The following BEND7 variants were observed in gnomAD, a reference collection of about 807,000 sequenced individuals.
BEND7 encodes the protein BEN domain-containing protein 7.
BEND7 carries 28 observed loss-of-function variants against 50.9 expected under a neutral mutation model. That is an observed-to-expected ratio of 0.55 (90% CI 0.41 to 0.75). The LOEUF (loss-of-function observed/expected upper bound fraction) is 0.75, where lower values mean the gene tolerates loss of function less well. BEND7 is among the 30% of genes least tolerant of loss of function. BEND7 has a pLI of 0.00. For synonymous variants in BEND7, 170 were observed against 183.9 expected (o/e 0.92, Z 0.61); for missense variants, 477 against 491.3 (o/e 0.97, Z 0.28).
At chr10:13,457,023 T>C (rs922033752) in intron 6 of BEND7, among the ~76,000 whole-genome samples, 3 of 152,204 alleles carry the variant, frequency 2.0e-5, no homozygotes, top group African/African-American at 4.8e-5. Flanking sequence ...ATCCTATTCG[T>C]TTATAGAAAA....
intron 2 of BEND7, among the ~76,000 whole-genome samples, chr10:13,515,445 T>C (rs1202344185): frequency 1.3e-5 from 2 of 152,226 alleles, no homozygotes; most frequent in Non-Finnish European, 2.9e-5. Flanking sequence ...ACAGTATATT[T>C]CTGCATGTTT....
intron 6 of BEND7, among the ~76,000 whole-genome samples, chr10:13,469,675 C>T (rs11258401): frequency 0.078 from 11,802 of 152,186 alleles, 611 homozygotes; most frequent in Non-Finnish European, 0.11. Flanking sequence ...CGGAGTTTCA[C>T]CATGTTGGCC....
Position 13,494,470 on chromosome 10 carries a change from C to G in BEND7, c.572-1594G>C, listed in dbSNP as rs1209487399. 2.0e-5 allele frequency among the ~76,000 whole-genome samples: 3 copies of G among 152,316 alleles called. No individual in the cohort carries two copies. In the East Asian group the frequency reaches 5.8e-4, roughly 29 times the overall value. ...AAACTGAAATGCCTCAGCCCCACCC[C>G]AGACGAAGTGAACTGACACCTCCAG... On this transcript the variant is annotated intron_variant, in intron 4 of 8. Coordinates refer to ENST00000466271, the MANE Select transcript of BEND7 (RefSeq NM_001369863.1).
chr10:13,492,752 T>C lies in BEND7; in HGVS notation c.696A>G (p.Lys232=), dbSNP rs2076755579. The change falls in exon 5 of 9, where the codon AAA becomes AAG. Residue 232 remains lysine (K), a synonymous_variant. Transcript: ENST00000466271. The stretch of plus-strand genomic sequence containing the variant: ...CCATCTCTGACCCACTGGGCTTCTG[T>C]TTCACAGTAAGAGGTTCCACAGTCT... The part of the protein sequence containing the change: ...PPKTVEPLTV[K]QKPSGSEMEK... The C allele has an allele frequency of 6.2e-7, 1 of 1,613,910 alleles. No homozygotes were observed. The highest frequency in any genetic ancestry group is 8.5e-7 in the Non-Finnish European group (1 of 1,179,976).
intron 7 of BEND7, among the ~76,000 whole-genome samples, chr10:13,449,275 G>C (rs1253488063): frequency 6.6e-6 from 1 of 152,096 alleles, no homozygotes; most frequent in Non-Finnish European, 1.5e-5. Flanking sequence ...GGTCTTCATG[G>C]TAGTTCTCTC....
At position 13,462,779 on chromosome 10, in the gene BEND7, G is replaced by A. The variant is rs1325934025; in HGVS notation, c.1064-10121C>T. On this transcript the variant is annotated intron_variant, in intron 6 of 8. Transcript: ENST00000466271. ...TAGATGAAAAGTCTTCACAACTGGT[G>A]AGTCATGGATCCTTGGTTCTAAGAA... Among the ~76,000 whole-genome samples, 5 of 152,268 alleles carry A rather than the reference G, an allele frequency of 3.3e-5. No individual in the cohort carries two copies. In the East Asian group the frequency reaches 9.6e-4, roughly 29 times the overall value.
chr10:13,488,697 C>T (rs1275842584), intron 5 of BEND7, among the ~76,000 whole-genome samples: 5 of 152,154 alleles, frequency 3.3e-5, no homozygotes, highest in African/African-American at 4.8e-5. Flanking sequence ...CCATGTTGGC[C>T]AGGACTGTCT....
At chr10:13,522,166 TGACA>T (rs1182059888) in intron 2 of BEND7, among the ~76,000 whole-genome samples, 1 of 152,246 alleles carries the variant, frequency 6.6e-6, no homozygotes, top group Non-Finnish European at 1.5e-5. Flanking sequence ...ACTGAACACC[TGACA>T]GATAAACATG....
At chr10:13,439,312 T>C (rs773447192), downstream of BEND7, 3 of 1,613,932 alleles carry the variant, frequency 1.9e-6, no homozygotes, top group South Asian at 3.3e-5. Flanking sequence ...TCTTGGCTGG[T>C]TTGGGACAAA....
At chr10:13,462,754 T>C (rs769799281) in intron 6 of BEND7, among the ~76,000 whole-genome samples, 16 of 151,660 alleles carry the variant, frequency 1.1e-4, no homozygotes, top group Non-Finnish European at 1.5e-4. Context: ...AAAGAGAGAG[T>C]AGATGAAAAG....
chr10:13,452,123 G>A (rs1209714187), intron 7 of BEND7, among the ~76,000 whole-genome samples: 1 of 152,192 alleles, frequency 6.6e-6, no homozygotes, highest in Non-Finnish European at 1.5e-5. Flanking sequence ...TTTACTTGAT[G>A]TGGTGTTGCT....
intron 5 of BEND7, among the ~76,000 whole-genome samples, chr10:13,489,226 G>C (rs900700068): frequency 6.6e-6 from 1 of 152,188 alleles, no homozygotes; most frequent in Non-Finnish European, 1.5e-5. Flanking sequence ...ACAGCTGAGA[G>C]TCTAACCCAG....
chr10:13,501,200 C>A (rs1393941531), intron 2 of BEND7, among the ~76,000 whole-genome samples: 2 of 151,610 alleles, frequency 1.3e-5, no homozygotes, highest in African/African-American at 2.4e-5. Context: ...CATGGAGAAA[C>A]CCTGTCTCTA....
intron 6 of BEND7, among the ~76,000 whole-genome samples, chr10:13,460,786 T>C (rs973987396): frequency 6.6e-6 from 1 of 152,270 alleles, no homozygotes; most frequent in African/African-American, 2.4e-5. Context: ...TCTCTGACAC[T>C]GTACACAAAC....
intron 3 of BEND7, among the ~76,000 whole-genome samples, chr10:13,499,262 T>C (rs1240076483): frequency 3.3e-5 from 5 of 152,210 alleles, no homozygotes; most frequent in Admixed American, 3.3e-4. Flanking sequence ...TAATGAAGCA[T>C]GTTACAAAAT....
chr10:13,528,331 CT>C (rs1448769947), intron 1 of BEND7, 141 bp downstream of exon 1: 1 of 205,938 alleles, frequency 4.9e-6, no homozygotes, highest in African/African-American at 2.4e-5. Flanking sequence ...GGCCGCGGCC[CT>C]GCCTGCCAGC....
chr10:13,478,866 TA>T (rs1350758163), intron 6 of BEND7, among the ~76,000 whole-genome samples: 1 of 152,190 alleles, frequency 6.6e-6, no homozygotes, highest in African/African-American at 2.4e-5. Context: ...TTTAATTCAA[TA>T]ATAAAAGTGT....
chr10:13,463,514 T>C (rs953112742), intron 6 of BEND7, among the ~76,000 whole-genome samples: 1 of 152,158 alleles, frequency 6.6e-6, no homozygotes, highest in Admixed American at 6.5e-5. Context: ...CAAAAATGGA[T>C]GCTGTTAAAA....
intron 5 of BEND7, among the ~76,000 whole-genome samples, chr10:13,487,369 A>G (rs1038609560): frequency 7.4e-6 from 1 of 134,518 alleles, no homozygotes; most frequent in Non-Finnish European, 1.5e-5. Flanking sequence ...CATGGCCTCA[A>G]TTTCTTTTCT....
Sources: gnomAD v4.1 joint callset for allele counts (sites outside exome capture counted in the v4.1 genomes callset) on GRCh38, gnomAD v4.1.1 for gene constraint, MANE v1.5 for transcripts, NCBI Gene and HGNC (gene_info 2026-07-23, HGNC 2026-07-21) for gene names.